Variants in GPR26 observed in about 807,000 individuals in gnomAD.
The protein encoded by GPR26 is G protein-coupled receptor 26.
In GPR26, 15 loss-of-function variants were observed where a neutral mutation model predicts 23.1. The observed-to-expected ratio is 0.65, with a 90% CI of 0.43 to 1.00. GPR26 has a LOEUF of 1.00. Ranked by LOEUF, GPR26 falls within the 50% of genes least tolerant of loss-of-function variation. The pLI is 0.00. For missense variants in GPR26, 359 were observed against 470.5 expected, an observed-to-expected ratio of 0.76 and a Z score of 2.19; for synonymous variants, 228 against 222.1, an observed-to-expected ratio of 1.03 and a Z score of -0.24.
intron 2 of GPR26, among the ~76,000 whole-genome samples, chr10:123,684,822 G>A (rs1052874203): frequency 2.6e-5 from 4 of 152,316 alleles, no homozygotes; most frequent in South Asian, 4.1e-4. Flanking sequence ...ATCACATTCC[G>A]ACACTAGGGG....
chr10:123,687,457 T>C (rs1371706088), intron 2 of GPR26, among the ~76,000 whole-genome samples: 1 of 152,124 alleles, frequency 6.6e-6, no homozygotes, highest in Non-Finnish European at 1.5e-5. Flanking sequence ...TGAACAGAGA[T>C]GCCCAGGACC....
chr10:123,667,318 CAG>C (rs1392576195), intron 1 of GPR26, among the ~76,000 whole-genome samples: 3 of 152,194 alleles, frequency 2.0e-5, no homozygotes, highest in Non-Finnish European at 4.4e-5. Context: ...GTAGAAATCA[CAG>C]ACAGTCAGAA....
At chr10:123,672,551 TC>T (rs111388391) in intron 1 of GPR26, among the ~76,000 whole-genome samples, 11 of 152,332 alleles carry the variant, frequency 7.2e-5, no homozygotes, top group African/African-American at 2.6e-4. Context: ...GACTCTTGGT[TC>T]ACTCTTGTTG....
Position 123,691,524 on chromosome 10 carries a change from A to G in GPR26, c.*3364A>G, listed in dbSNP as rs766372568. 4.6e-5 allele frequency: 7 copies of G among 152,142 alleles called. No homozygotes were observed. The highest frequency in any genetic ancestry group is 7.4e-5 in the Non-Finnish European group (5 of 68,016). 9.4% of individuals were successfully genotyped at this position (152,142 alleles called of 1,614,324 possible). On this transcript the variant is annotated 3_prime_UTR_variant, in exon 3 of 3. Coordinates refer to ENST00000284674, the MANE Select transcript of GPR26 (RefSeq NM_153442.4). ...AGGTAGATGAGGCCTTCCCATGGCT[A>G]CAGTGTGACCCTTGGAGGAACCAAA...
rs184824161 is a variant in GPR26, at chr10:123,686,558, A to G, written c.783-1371A>G. ...TCCAGAAAGGGGCATTTCTGTGGAG[A>G]ATCACACTCCACCAGCTTCCTCCTC... On this transcript the variant is annotated intron_variant, in intron 2 of 2. Transcript: ENST00000284674. Among the ~76,000 whole-genome samples the G allele has an allele frequency of 2.3e-3, 338 of 149,318 alleles. 1 individual carries two copies. The highest frequency in any genetic ancestry group is 7.1e-3 in the African/African-American group (283 of 40,056).
chr10:123,676,187 C>T (rs1254944491), intron 2 of GPR26, among the ~76,000 whole-genome samples: 2 of 152,128 alleles, frequency 1.3e-5, no homozygotes, highest in Non-Finnish European at 2.9e-5. Context: ...TTCTTTTCCC[C>T]AGATAGACAA....
intron 1 of GPR26, among the ~76,000 whole-genome samples, chr10:123,670,660 A>C (rs991750326): frequency 6.6e-6 from 1 of 152,146 alleles, no homozygotes; most frequent in Non-Finnish European, 1.5e-5. Flanking sequence ...CAGCACCACG[A>C]GGGGCCTCCC....
At chr10:123,667,596 TGTG>T (rs1246319733) in intron 1 of GPR26, among the ~76,000 whole-genome samples, 12 of 142,478 alleles carry the variant, frequency 8.4e-5, no homozygotes, top group Admixed American at 1.4e-4. Flanking sequence ...TGTGTGTGTG[TGTG>T]TGAATTCTGA....
chr10:123,680,820 G>T (rs200758643), intron 2 of GPR26, among the ~76,000 whole-genome samples: 4,684 of 32,366 alleles, frequency 0.14, 301 homozygotes, highest in East Asian at 0.37. Flanking sequence ...GTTTTGTTTT[G>T]TTTTTTTGGG....
At position 123,674,689 on chromosome 10, in the gene GPR26, C is replaced by G. The variant is rs73379632; in HGVS notation, c.669-129C>G. On this transcript the variant is annotated intron_variant, in intron 1 of 2. Coordinates refer to ENST00000284674, the MANE Select transcript of GPR26 (RefSeq NM_153442.4). The surrounding 1 kb of genome is among the most constrained non-coding windows in gnomAD (Gnocchi z 4.1). ...GTCAATAGCTACAGCCAAGAGTTGACGCTGGGTCTTTCCGACTCCATAGTC... is the reference window on the plus strand; with the variant it reads ...GTCAATAGCTACAGCCAAGAGTTGAGGCTGGGTCTTTCCGACTCCATAGTC... The G allele has an allele frequency of 1.1e-5, 7 of 615,544 alleles. 1 individual carries two copies. In the East Asian group the frequency reaches 2.0e-4, roughly 17 times the overall value. 38.1% of individuals were successfully genotyped at this position (615,544 alleles called of 1,614,324 possible). A position where few individuals can be genotyped will look rare whatever the true frequency, so the allele number is the denominator to read the frequency against.
rs775791859 is a variant in GPR26, at chr10:123,688,167, G to A, written c.*7G>A. ...TCTGCCGGTGTCTGAGTGAAGGACC[G>A]CGCTCCTGCTGAAGAGTTTAGAATG... On this transcript the variant is annotated 3_prime_UTR_variant, in exon 3 of 3. Coordinates refer to ENST00000284674, the MANE Select transcript of GPR26 (RefSeq NM_153442.4). 3.4e-5 allele frequency: 53 copies of A among 1,576,220 alleles called. No individual in the cohort carries two copies. The highest frequency in any genetic ancestry group is 2.0e-4 in the South Asian group (18 of 90,338).
rs1055112327 is a variant in GPR26, at chr10:123,696,332, G to T, written c.*8172G>T. Among the ~76,000 whole-genome samples the T allele has an allele frequency of 1.3e-5, 2 of 152,158 alleles. No homozygotes were observed. Among genetic ancestry groups the T allele is most frequent in the Non-Finnish European group, 2.9e-5 (2 of 68,038 alleles). ...AATGCTATCCTCAGTCCTCCTGGAG[G>T]CTCCTAGTAATGAGGGCACTGAACA... On this transcript the variant is annotated 3_prime_UTR_variant, in exon 3 of 3. Coordinates refer to ENST00000284674, the MANE Select transcript of GPR26 (RefSeq NM_153442.4).
rs1845491613 is a variant in GPR26 at position 123,691,641 on chromosome 10, T to C, written c.*3481T>C. ...ATTATATCAGGTGCCAGGAATCCCT[T>C]GGGTCAGCTCCTATCCTCTGGACGG... On this transcript the variant is annotated 3_prime_UTR_variant, in exon 3 of 3. Coordinates refer to ENST00000284674, the MANE Select transcript of GPR26 (RefSeq NM_153442.4). The C allele has an allele frequency of 6.6e-6, 1 of 152,130 alleles. No individual in the cohort carries two copies. The highest frequency in any genetic ancestry group is 2.1e-4 in the South Asian group (1 of 4,812). 9.4% of individuals were successfully genotyped at this position (152,130 alleles called of 1,614,324 possible).
Position 123,692,941 on chromosome 10 carries a change from T to G in GPR26, c.*4781T>G, listed in dbSNP as rs899141838. On this transcript the variant is annotated 3_prime_UTR_variant, in exon 3 of 3. Transcript: ENST00000284674. The stretch of plus-strand genomic sequence containing the variant: ...TCTCCAAACGGTTCAATCTCCAGTT[T>G]TATTCAGGGACTGGGCCATTTTGTT... 1 of 152,200 alleles carries G rather than the reference T, an allele frequency of 6.6e-6. No individual in the cohort carries two copies. Among genetic ancestry groups the G allele is most frequent in the Non-Finnish European group, 1.5e-5 (1 of 68,050 alleles). The allele number at this position is 152,200 out of a possible 1,614,324, so 9.4% of individuals were successfully genotyped here. A position where few individuals can be genotyped will look rare whatever the true frequency, so the allele number is the denominator to read the frequency against.
At chr10:123,671,401 C>T (rs1845248604) in intron 1 of GPR26, among the ~76,000 whole-genome samples, 1 of 152,180 alleles carries the variant, frequency 6.6e-6, no homozygotes, top group African/African-American at 2.4e-5. Context: ...CTCCCCTCCC[C>T]CGCTCAGCCA....
chr10:123,685,521 C>T (rs1211250409), intron 2 of GPR26, among the ~76,000 whole-genome samples: 7 of 152,188 alleles, frequency 4.6e-5, no homozygotes, highest in East Asian at 1.9e-4. Flanking sequence ...CCAGTGGCCA[C>T]GTGGCAGCAG....
At position 123,674,573 on chromosome 10, in the gene GPR26, A is replaced by G. The variant is rs368105187; in HGVS notation, c.669-245A>G. ...ACAGCCTCTTGTAGCATTTTATTAC[A>G]TTATGTGTAATACACTAAAATATAT... On this transcript the variant is annotated intron_variant, in intron 1 of 2. Coordinates refer to ENST00000284674, the MANE Select transcript of GPR26 (RefSeq NM_153442.4). The surrounding 1 kb of genome is among the most constrained non-coding windows in gnomAD (Gnocchi z 4.1). Among the ~76,000 whole-genome samples, 131 of 152,304 alleles carry G rather than the reference A, an allele frequency of 8.6e-4. No homozygotes were observed. Among genetic ancestry groups the G allele is most frequent in the African/African-American group, 3.1e-3 (128 of 41,570 alleles).
chr10:123,673,171 T>C (rs1207993780), intron 1 of GPR26, among the ~76,000 whole-genome samples: 2 of 152,204 alleles, frequency 1.3e-5, no homozygotes, highest in Non-Finnish European at 2.9e-5. Context: ...TTTAAATTCC[T>C]GGAAATGCAA....
intron 2 of GPR26, among the ~76,000 whole-genome samples, chr10:123,681,342 C>T (rs1028482562): frequency 2.6e-5 from 4 of 152,152 alleles, no homozygotes; most frequent in African/African-American, 4.8e-5. Context: ...TGGGGAGACA[C>T]GTTGAGGCAC....
Sources: gnomAD v4.1 joint callset for allele counts (sites outside exome capture counted in the v4.1 genomes callset) on GRCh38, gnomAD v4.1.1 for gene constraint, Gnocchi (gnomAD v3.1) non-coding constraint, MANE v1.5 for transcripts, NCBI Gene and HGNC (gene_info 2026-07-23, HGNC 2026-07-21) for gene names.